HSP90AA1: variants seen among roughly 807,000 people sequenced by gnomAD.
The protein encoded by HSP90AA1 is heat shock protein HSP 90-alpha.
A neutral mutation model predicts 73.3 loss-of-function variants in HSP90AA1; 18 were observed. The observed-to-expected ratio is 0.25, with a 90% CI of 0.17 to 0.36. HSP90AA1 has a LOEUF of 0.36. Among genes scored for constraint, HSP90AA1 ranks in the 10% least tolerant of loss-of-function variants. The probability of loss-of-function intolerance (pLI) is 1.00; values close to 1 mark genes in which losing one functional copy is unlikely to be tolerated. For missense variants in HSP90AA1, 704 were observed against 874.2 expected, an observed-to-expected ratio of 0.81 and a Z score of 2.45; for synonymous variants, 477 against 296.9, an observed-to-expected ratio of 1.61 and a Z score of -6.24.
chr14:102,095,795 G>A (rs112572219), intron 2 of HSP90AA1, among the ~76,000 whole-genome samples: 1,628 of 152,232 alleles, frequency 0.011, 42 homozygotes, highest in African/African-American at 0.037. Flanking sequence ...CTGTGCTTAG[G>A]GTCCTGCCCT....
rs745901205 is a variant in HSP90AA1 at position 102,082,983 on chromosome 14, T to C, written c.1755+51A>G. On this transcript the variant is annotated intron_variant, in intron 9 of 10. Coordinates refer to ENST00000216281, the MANE Select transcript of HSP90AA1 (RefSeq NM_005348.4). ...GAAAATGGGCTATGTATGACTAAGC[T>C]TGAAAGCACCTTAGAAGTATCAATG... is the stretch of plus-strand genomic sequence containing the variant. The C allele has an allele frequency of 9.5e-6, 15 of 1,578,850 alleles. No homozygotes were observed. The Middle Eastern group carries it at 8.3e-4, about 88-fold the overall frequency.
At chr14:102,086,629 A>AC (rs947830893) in intron 1 of HSP90AA1, among the ~76,000 whole-genome samples, 6 of 150,650 alleles carry the variant, frequency 4.0e-5, no homozygotes, top group African/African-American at 1.2e-4. Flanking sequence ...CCCAACGAAC[A>AC]CCCCGGGTGC....
Position 102,081,486 on chromosome 14 carries a change from G to A in HSP90AA1, c.*226C>T. On this transcript the variant is annotated 3_prime_UTR_variant, in exon 11 of 11. Transcript: ENST00000216281. The stretch of plus-strand genomic sequence containing the variant: ...CTTACAGTGCACGTTACCCCAATCT[G>A]TGAAAATAAACCAACATGAAACTCA... The A allele has an allele frequency of 1.7e-6, 1 of 588,710 alleles. No homozygotes were observed. The highest frequency in any genetic ancestry group is 2.0e-5 in the South Asian group (1 of 49,294). 36.5% of individuals were successfully genotyped at this position (588,710 alleles called of 1,614,324 possible). A position where few individuals can be genotyped will look rare whatever the true frequency, so the allele number is the denominator to read the frequency against.
chr14:102,134,632 C>T (rs1477398541), intron 1 of HSP90AA1, among the ~76,000 whole-genome samples: 1 of 152,072 alleles, frequency 6.6e-6, no homozygotes, highest in Non-Finnish European at 1.5e-5. Flanking sequence ...AGTATTACAG[C>T]TCCTAAGGCA....
upstream of HSP90AA1, among the ~76,000 whole-genome samples, chr14:102,089,167 C>G (rs370350026): frequency 2.0e-5 from 3 of 152,140 alleles, no homozygotes; most frequent in African/African-American, 7.2e-5. Flanking sequence ...GTGATCCGCC[C>G]GCCTCGGCCT....
rs1034590345 is a variant in HSP90AA1 at position 102,137,574 on chromosome 14, C to A, written c.155+1676G>T. Among the ~76,000 whole-genome samples, 5 of 151,972 alleles carry A rather than the reference C, an allele frequency of 3.3e-5. No homozygotes were observed. The South Asian group carries it at 8.3e-4, about 25-fold the overall frequency. ...TCCTGACCTCGTGATCTGCCCGCCTCGGCCTCCCAAAGTGATGGGATTACA... is the reference window on the plus strand; with the variant it reads ...TCCTGACCTCGTGATCTGCCCGCCTAGGCCTCCCAAAGTGATGGGATTACA... On this transcript the variant is annotated intron_variant, in intron 1 of 11. Transcript: ENST00000334701.
chr14:102,085,303 G>C lies in HSP90AA1; in HGVS notation c.658C>G (p.Leu220Val). 1 of 1,611,644 alleles carries C rather than the reference G, an allele frequency of 6.2e-7. No individual in the cohort carries two copies. Among genetic ancestry groups the C allele is most frequent in the Non-Finnish European group, 8.5e-7 (1 of 1,178,512 alleles). ...HSQFIGYPIT[L>V]FVEKERDKEV... ...GCAATTACATAAAAACTTACAAAAA[G>C]AGTAATGGGATATCCAATAAACTGA... Residue 220 changes from leucine to valine, a missense_variant, in exon 4 of 11, where the codon CTT (leucine) becomes GTT (valine). By Grantham distance (32) the Leu-to-Val change is conservative. Transcript: ENST00000216281.
intron 9 of HSP90AA1, 184 bp from the exon 10 acceptor site, chr14:102,082,628 A>ATT: frequency 1.1e-5 from 6 of 566,580 alleles, no homozygotes; most frequent in South Asian, 2.2e-5. Flanking sequence ...TACATGCACA[A>ATT]TTTTTTTTTT....
chr14:102,081,629 AAAAT>A lies in HSP90AA1; in HGVS notation c.*79_*82del. The A allele has an allele frequency of 1.3e-6, 1 of 790,226 alleles. No homozygotes were observed. Among genetic ancestry groups the A allele is most frequent in the Non-Finnish European group, 2.3e-6 (1 of 432,368 alleles). 49.0% of individuals were successfully genotyped at this position (790,226 alleles called of 1,614,324 possible). ...CCATACAGACTTTTTAATATTAACA[AAAAT>A]AAAGAAAAACATCCTTGAAAATATA... On this transcript the variant is annotated 3_prime_UTR_variant, in exon 11 of 11. Coordinates refer to ENST00000216281, the MANE Select transcript of HSP90AA1 (RefSeq NM_005348.4).
At chr14:102,099,427 G>A (rs746635113) in intron 2 of HSP90AA1, among the ~76,000 whole-genome samples, 3 of 152,052 alleles carry the variant, frequency 2.0e-5, no homozygotes, top group Non-Finnish European at 4.4e-5. Context: ...GTGCGGTGGC[G>A]CATGCCTGTA....
intron 1 of HSP90AA1, among the ~76,000 whole-genome samples, chr14:102,107,993 A>G (rs1412674294): frequency 6.6e-6 from 1 of 150,642 alleles, no homozygotes; most frequent in Non-Finnish European, 1.5e-5. Flanking sequence ...GCCCAGGTGC[A>G]ATGGCTCACA....
intron 2 of HSP90AA1, among the ~76,000 whole-genome samples, chr14:102,092,730 A>G (rs1465115562): frequency 6.6e-6 from 1 of 152,070 alleles, no homozygotes; most frequent in Non-Finnish European, 1.5e-5. Flanking sequence ...AATACATCAA[A>G]TTGTACTTTA....
At chr14:102,090,385 G>A (rs2049338157), upstream of HSP90AA1, among the ~76,000 whole-genome samples, 1 of 151,622 alleles carries the variant, frequency 6.6e-6, no homozygotes. Flanking sequence ...CCAACCCCAA[G>A]TTCTTCCACT....
chr14:102,138,617 GT>G (rs2050102788), intron 1 of HSP90AA1, among the ~76,000 whole-genome samples: 3 of 152,000 alleles, frequency 2.0e-5, no homozygotes, highest in African/African-American at 7.2e-5. Flanking sequence ...TACGGAAGAT[GT>G]TTATGATTTA....
rs1566720988 is a variant in HSP90AA1, at chr14:102,085,743, T to TG, written c.529+14dup. On this transcript the variant is annotated intron_variant, in intron 3 of 10. Coordinates refer to ENST00000216281, the MANE Select transcript of HSP90AA1 (RefSeq NM_005348.4). ...TTCCACCGCTCACTTAACCAGTGAATGTTCAGGTGCCTACCTGTGTCTGTC... is the reference window on the plus strand; with the variant it reads ...TTCCACCGCTCACTTAACCAGTGAATGGTTCAGGTGCCTACCTGTGTCTGTC... The TG allele has an allele frequency of 3.7e-6, 6 of 1,613,856 alleles. No individual in the cohort carries two copies. In the South Asian group the frequency reaches 6.6e-5, roughly 18 times the overall value.
At chr14:102,082,745 C>CA (rs2049127737) in intron 9 of HSP90AA1, 1 of 503,350 alleles carries the variant, frequency 2.0e-6, no homozygotes, top group Non-Finnish European at 3.6e-6. Context: ...CTCAGCCTCC[C>CA]AAGTGGCTAG....
chr14:102,089,173 G>A (rs1338321850), upstream of HSP90AA1, among the ~76,000 whole-genome samples: 2 of 152,018 alleles, frequency 1.3e-5, no homozygotes, highest in Non-Finnish European at 2.9e-5. Context: ...CGCCCGCCTC[G>A]GCCTCCCAAA....
In HSP90AA1 at chr14:102,098,756, C is replaced by A. The variant is rs555795759; in HGVS notation, c.366+3119G>T. On this transcript the variant is annotated intron_variant, in intron 2 of 11. Transcript: ENST00000334701. ...TGTCGCCCAGGCTGGAGTGCAATGGCACGATCTTGGCTCACTGTAACCTCC... is the reference window on the plus strand; with the variant it reads ...TGTCGCCCAGGCTGGAGTGCAATGGAACGATCTTGGCTCACTGTAACCTCC... Among the ~76,000 whole-genome samples, 9 of 152,238 alleles carry A rather than the reference C, an allele frequency of 5.9e-5. No homozygotes were observed. The East Asian group carries it at 1.5e-3, about 26-fold the overall frequency.
chr14:102,126,510 A>C (rs1393452764), intron 1 of HSP90AA1, among the ~76,000 whole-genome samples: 2 of 151,840 alleles, frequency 1.3e-5, no homozygotes, highest in African/African-American at 4.8e-5. Context: ...TACTGACTGC[A>C]TCCTCGACTA....
Sources: gnomAD v4.1 joint callset for allele counts (sites outside exome capture counted in the v4.1 genomes callset) on GRCh38, gnomAD v4.1.1 for gene constraint, MANE v1.5 for transcripts, NCBI Gene and HGNC (gene_info 2026-07-23, HGNC 2026-07-21) for gene names.